The following RTN4 variants were observed in gnomAD, a reference collection of about 807,000 sequenced individuals.
The protein encoded by RTN4 is reticulon-4.
In RTN4, 32 loss-of-function variants were observed where a neutral mutation model predicts 90.4. The ratio of observed to expected loss-of-function variants is 0.35; its 90% CI spans 0.27 to 0.48. The LOEUF is 0.48. Among genes scored for constraint, RTN4 ranks in the 20% least tolerant of loss-of-function variants. RTN4 has a pLI of 0.99. For missense variants in RTN4, 1,706 were observed against 1,430.2 expected, an observed-to-expected ratio of 1.19 and a Z score of -3.11; for synonymous variants, 629 against 552.5, an observed-to-expected ratio of 1.14 and a Z score of -1.94.
intron 1 of RTN4, among the ~76,000 whole-genome samples, chr2:55,090,227 A>C (rs1668912518): frequency 1.3e-5 from 2 of 152,176 alleles, no homozygotes; most frequent in Admixed American, 1.3e-4. Context: ...AGGTATGATA[A>C]GGCCATAGAA....
At chr2:55,118,752 G>A in the RTN4 span, among the ~76,000 whole-genome samples, 1 of 152,182 alleles carries the variant, frequency 6.6e-6, no homozygotes, top group African/African-American at 2.4e-5. Flanking sequence ...CCTAGCTCAT[G>A]GAACCCTGAA....
At chr2:55,063,040 T>C (rs1362921082) in intron 2 of RTN4, among the ~76,000 whole-genome samples, 1 of 152,230 alleles carries the variant, frequency 6.6e-6, no homozygotes, top group Non-Finnish European at 1.5e-5. Context: ...CCTAGGTCTC[T>C]TATGACCATG....
upstream of RTN4, among the ~76,000 whole-genome samples, chr2:55,053,729 C>T (rs796826287): frequency 4.1e-4 from 63 of 151,814 alleles, no homozygotes; most frequent in African/African-American, 1.4e-3. Flanking sequence ...AAGAAAATAC[C>T]TCATCAGAAG....
chr2:54,979,865 C>G (rs1677975897), intron 5 of RTN4, among the ~76,000 whole-genome samples: 1 of 152,178 alleles, frequency 6.6e-6, no homozygotes, highest in South Asian at 2.1e-4. Flanking sequence ...GGGAAGTCAC[C>G]AAGCAGGTTT....
chr2:55,067,370 T>A (rs115099273), intron 2 of RTN4, among the ~76,000 whole-genome samples: 1 of 152,214 alleles, frequency 6.6e-6, no homozygotes, highest in African/African-American at 2.4e-5. Flanking sequence ...GAATAGCACA[T>A]GTTTGCTTTG....
At chr2:55,082,591 T>G (rs1166143471) in intron 1 of RTN4, among the ~76,000 whole-genome samples, 1 of 152,230 alleles carries the variant, frequency 6.6e-6, no homozygotes, top group Admixed American at 6.5e-5. Context: ...AAAATAATCC[T>G]AAATTTCTGC....
At position 55,110,624 on chromosome 2, in the gene RTN4, A is replaced by G. The variant is rs190578040; in HGVS notation, c.-214+1896T>C. On this transcript the variant is annotated intron_variant, in intron 1 of 3. Coordinates refer to the RTN4 transcript ENST00000427710. ...CCAATGTCAATCTATCTGAGGGCGC[A>G]TATACGTCCATTTGGATCCTTTAAA... is the stretch of plus-strand genomic sequence containing the variant. Among the ~76,000 whole-genome samples, 20 of 152,370 alleles carry G rather than the reference A, an allele frequency of 1.3e-4. No homozygotes were observed. The South Asian group carries it at 4.1e-3, about 32-fold the overall frequency.
intron 1 of RTN4, among the ~76,000 whole-genome samples, chr2:55,040,640 G>A (rs1429709043): frequency 2.6e-5 from 4 of 152,206 alleles, no homozygotes; most frequent in South Asian, 2.1e-4. Context: ...AATATGTCCT[G>A]TAAGGCCAAT....
the RTN4 span, among the ~76,000 whole-genome samples, chr2:55,132,763 G>T: frequency 1.5e-5 from 2 of 135,928 alleles, no homozygotes; most frequent in Non-Finnish European, 3.1e-5. Flanking sequence ...ACAGTGAACC[G>T]AGGTCTTGCC....
At chr2:55,011,969 C>T (rs1286134479) in intron 3 of RTN4, among the ~76,000 whole-genome samples, 1 of 152,142 alleles carries the variant, frequency 6.6e-6, no homozygotes, top group Non-Finnish European at 1.5e-5. Flanking sequence ...AATGTCTGGC[C>T]TCTCCACGCA....
At chr2:54,981,447 T>C (rs1324299005) in intron 5 of RTN4, among the ~76,000 whole-genome samples, 1 of 152,080 alleles carries the variant, frequency 6.6e-6, no homozygotes, top group Non-Finnish European at 1.5e-5. Context: ...AAATGAAAAA[T>C]TATGAGAATT....
At chr2:55,078,240 T>C (rs573557535) in intron 2 of RTN4, among the ~76,000 whole-genome samples, 4 of 152,174 alleles carry the variant, frequency 2.6e-5, no homozygotes, top group Non-Finnish European at 5.9e-5. Flanking sequence ...ATTATTTTTA[T>C]TTTTTTAAAT....
At chr2:55,068,675 A>G (rs1368355017) in intron 2 of RTN4, among the ~76,000 whole-genome samples, 1 of 78,388 alleles carries the variant, frequency 1.3e-5, no homozygotes, top group Non-Finnish European at 2.4e-5. Flanking sequence ...TCTACAAAAA[A>G]AAAGGGGGGG....
At chr2:55,069,651 C>G (rs752393190) in intron 2 of RTN4, among the ~76,000 whole-genome samples, 1 of 152,324 alleles carries the variant, frequency 6.6e-6, no homozygotes, top group East Asian at 1.9e-4. Context: ...TCCACCCAAG[C>G]ATTCTTCCAA....
At chr2:55,053,071 G>A (rs995244234), upstream of RTN4, among the ~76,000 whole-genome samples, 1 of 152,114 alleles carries the variant, frequency 6.6e-6, no homozygotes, top group Non-Finnish European at 1.5e-5. Context: ...TAATATTGAT[G>A]CAATAATATA....
chr2:55,106,470 GATA>G (rs1667945075), intron 1 of RTN4, among the ~76,000 whole-genome samples: 1 of 152,094 alleles, frequency 6.6e-6, no homozygotes, highest in Non-Finnish European at 1.5e-5. Context: ...AAGGATAAGT[GATA>G]ATGACAAATT....
At chr2:54,974,910 T>A (rs565988867) in intron 5 of RTN4, 146 bp from the exon 6 acceptor site, 4 of 630,224 alleles carry the variant, frequency 6.3e-6, no homozygotes, top group African/African-American at 3.7e-5. Context: ...AGTTCACTAT[T>A]AAGTCACGAG....
chr2:55,007,909 A>G (rs1680347914), intron 3 of RTN4, among the ~76,000 whole-genome samples: 4 of 151,910 alleles, frequency 2.6e-5, no homozygotes, highest in Admixed American at 2.6e-4. Context: ...TCATTCTCCT[A>G]CCCCATCCAA....
intron 3 of RTN4, among the ~76,000 whole-genome samples, chr2:54,996,632 A>G (rs1317591842): frequency 6.6e-6 from 1 of 152,260 alleles, no homozygotes; most frequent in Non-Finnish European, 1.5e-5. Context: ...TGGATATCCA[A>G]CTGCAAAACA....
Sources: allele counts gnomAD v4.1 joint callset (sites outside exome capture counted in the v4.1 genomes callset), GRCh38; gene constraint gnomAD v4.1.1; transcripts MANE v1.5; gene names NCBI Gene and HGNC (gene_info 2026-07-23, HGNC 2026-07-21).